Variants in MCPH1 observed in about 807,000 individuals in gnomAD.
MCPH1 encodes the protein microcephalin 1.
A neutral mutation model predicts 84.5 loss-of-function variants in MCPH1; 104 were observed. The ratio of observed to expected loss-of-function variants is 1.23; its 90% confidence interval spans 1.05 to 1.45. MCPH1 has a LOEUF of 1.45. Among genes scored for constraint, MCPH1 ranks in the 40% most tolerant of loss-of-function variants. MCPH1 has a pLI of 0.00. For missense variants in MCPH1, 1,498 were observed against 1,005.7 expected, an observed-to-expected ratio of 1.49 and a Z score of -6.62; for synonymous variants, 514 against 366.8, an observed-to-expected ratio of 1.40 and a Z score of -4.58.
intron 9 of MCPH1, among the ~76,000 whole-genome samples, chr8:6,467,844 C>T (rs189516772): frequency 2.0e-5 from 3 of 152,278 alleles, no homozygotes; most frequent in East Asian, 1.9e-4. Flanking sequence ...ACCATCCACT[C>T]GCCTGGGTCT....
chr8:6,407,440 G>A (rs1042429324), intron 1 of MCPH1, among the ~76,000 whole-genome samples: 3 of 152,082 alleles, frequency 2.0e-5, no homozygotes, highest in Non-Finnish European at 4.4e-5. Flanking sequence ...CCTTAGACCG[G>A]AGCTGCTGTC....
At chr8:6,412,208 C>T (rs1798635910) in intron 2 of MCPH1, among the ~76,000 whole-genome samples, 1 of 152,032 alleles carries the variant, frequency 6.6e-6, no homozygotes, top group African/African-American at 2.4e-5. Context: ...GAGACATGCC[C>T]ACTGTAATAC....
At chr8:6,574,077 T>C (rs1202105148) in intron 12 of MCPH1, among the ~76,000 whole-genome samples, 1 of 152,162 alleles carries the variant, frequency 6.6e-6, no homozygotes, top group African/African-American at 2.4e-5. Context: ...ATAGTGCTAT[T>C]AGCAAAAATC....
chr8:6,580,944 C>T (rs1257235865), intron 12 of MCPH1, among the ~76,000 whole-genome samples: 1 of 152,034 alleles, frequency 6.6e-6, no homozygotes, highest in Non-Finnish European at 1.5e-5. Flanking sequence ...AATCGTGGAC[C>T]AAATATATTC....
chr8:6,562,186 C>CCGTTT (rs1410937069), intron 12 of MCPH1, among the ~76,000 whole-genome samples: 3 of 152,306 alleles, frequency 2.0e-5, no homozygotes, highest in Non-Finnish European at 1.5e-5. Flanking sequence ...TTTACTCCAT[C>CCGTTT]CGTTATGCCT....
chr8:6,494,741 G>A (rs908276201), intron 11 of MCPH1, among the ~76,000 whole-genome samples: 12 of 152,176 alleles, frequency 7.9e-5, no homozygotes, highest in Admixed American at 7.9e-4. Context: ...AGGGATGGAG[G>A]GGAGAGAGGG....
Position 6,499,849 on chromosome 8 carries a change from C to A in MCPH1, c.2137-3C>A, listed in dbSNP as rs1417423906. 23 of 1,612,496 alleles carry A rather than the reference C, an allele frequency of 1.4e-5. No homozygotes were observed. The highest frequency in any genetic ancestry group is 1.9e-5 in the Non-Finnish European group (22 of 1,179,532). On this transcript the variant is annotated splice_polypyrimidine_tract_variant and splice_region_variant and intron_variant, in intron 11 of 13. Transcript: ENST00000344683. The stretch of plus-strand genomic sequence containing the variant: ...ATAAATCTGCTTGTTGTGTCACTTG[C>A]AGGTGCTATGGTCTTTAGAATTGGG...
chr8:6,612,948 C>T (rs1830415673), intron 12 of MCPH1, among the ~76,000 whole-genome samples: 1 of 152,236 alleles, frequency 6.6e-6, no homozygotes, highest in South Asian at 2.1e-4. Context: ...GAAATAACAG[C>T]ATTTGTGTTC....
intron 8 of MCPH1, among the ~76,000 whole-genome samples, chr8:6,450,983 C>G (rs1018421173): frequency 6.6e-6 from 1 of 152,190 alleles, no homozygotes; most frequent in Non-Finnish European, 1.5e-5. Flanking sequence ...GCTGGGATTA[C>G]AGTTGTGAGC....
chr8:6,488,030 A>G (rs947662972), intron 11 of MCPH1, among the ~76,000 whole-genome samples: 7 of 152,210 alleles, frequency 4.6e-5, no homozygotes, highest in African/African-American at 1.7e-4. Context: ...CTTTTTCCTG[A>G]TTAAAATAAT....
intron 12 of MCPH1, among the ~76,000 whole-genome samples, chr8:6,583,807 C>T (rs1264535641): frequency 1.4e-5 from 2 of 141,916 alleles, no homozygotes; most frequent in Non-Finnish European, 3.0e-5. Flanking sequence ...CTCATGGTCT[C>T]GGAGTCTTTT....
At chr8:6,577,924 C>G (rs546578661) in intron 12 of MCPH1, among the ~76,000 whole-genome samples, 2 of 152,350 alleles carry the variant, frequency 1.3e-5, no homozygotes, top group African/African-American at 4.8e-5. Flanking sequence ...AAAGGTCAAA[C>G]CCTTCCGAGA....
rs941647620 is a variant in MCPH1 at position 6,647,252 on chromosome 8, G to A, written c.*4203G>A. The A allele has an allele frequency of 6.6e-6, 1 of 152,188 alleles. No individual in the cohort carries two copies. The highest frequency in any genetic ancestry group is 2.4e-5 in the African/African-American group (1 of 41,450). 9.4% of individuals were successfully genotyped at this position (152,188 alleles called of 1,614,324 possible). A position where few individuals can be genotyped will look rare whatever the true frequency, so the allele number is the denominator to read the frequency against. On this transcript the variant is annotated 3_prime_UTR_variant, in exon 14 of 14. Coordinates refer to ENST00000344683, the MANE Select transcript of MCPH1 (RefSeq NM_024596.5). Reference sequence around the variant, plus strand: ...CTATTACACACCCATTAGAATGACTGTAAACAACAAGACTGATAATTCCAA... The same window carrying A: ...CTATTACACACCCATTAGAATGACTATAAACAACAAGACTGATAATTCCAA...
intron 2 of MCPH1, among the ~76,000 whole-genome samples, chr8:6,410,669 G>A (rs1017541): frequency 0.99 from 150,215 of 152,274 alleles, 74,113 homozygotes; most frequent in East Asian, 1. Flanking sequence ...ATTCATTCAC[G>A]GGGAAGCCCA....
chr8:6,446,742 T>G (rs559932186), intron 8 of MCPH1: 1 of 985,392 alleles, frequency 1.0e-6, no homozygotes, highest in South Asian at 4.7e-5. Flanking sequence ...TTTTAAGCTT[T>G]TGAATAATAA....
At chr8:6,452,089 C>T (rs1013907938) in intron 8 of MCPH1, among the ~76,000 whole-genome samples, 1 of 152,206 alleles carries the variant, frequency 6.6e-6, no homozygotes, top group African/African-American at 2.4e-5. Flanking sequence ...GTCTTTTCAT[C>T]GTCCACTTCT....
chr8:6,422,436 T>C (rs1246553470), intron 3 of MCPH1, among the ~76,000 whole-genome samples: 2 of 152,312 alleles, frequency 1.3e-5, no homozygotes, highest in Admixed American at 1.3e-4. Flanking sequence ...TGGAGATGCA[T>C]GGACAAAATT....
intron 12 of MCPH1, among the ~76,000 whole-genome samples, chr8:6,573,827 G>A (rs1299984093): frequency 6.6e-6 from 1 of 152,146 alleles, no homozygotes; most frequent in Non-Finnish European, 1.5e-5. Flanking sequence ...CCATCCCTGA[G>A]AATTTAACTA....
intron 12 of MCPH1, chr8:6,503,322 A>G (rs1812574855): frequency 1.3e-6 from 2 of 1,582,614 alleles, no homozygotes; most frequent in Non-Finnish European, 1.7e-6. Flanking sequence ...CACCACGAAG[A>G]CAGCAATACT....
Sources: gnomAD v4.1 joint callset for allele counts (sites outside exome capture counted in the v4.1 genomes callset) on GRCh38, gnomAD v4.1.1 for gene constraint, MANE v1.5 for transcripts, NCBI Gene and HGNC (gene_info 2026-07-23, HGNC 2026-07-21) for gene names.